The following LOXL3 variants were observed in gnomAD, a reference collection of about 807,000 sequenced individuals.
LOXL3 encodes lysyl oxidase like 3.
LOXL3 carries 60 observed loss-of-function variants against 91.8 expected under a neutral mutation model. The ratio of observed to expected loss-of-function variants is 0.65; its 90% CI spans 0.53 to 0.81. The LOEUF (loss-of-function observed/expected upper bound fraction) is 0.81. LOXL3 is among the 30% of genes least tolerant of loss of function. The pLI is 0.00. For synonymous variants in LOXL3, 355 were observed against 387.6 expected (o/e 0.92, Z 0.99); for missense variants, 874 against 1,000.4 (o/e 0.87, Z 1.70).
intron 4 of LOXL3, chr2:74,539,870 T>A (rs1190720231): frequency 6.6e-6 from 1 of 152,640 alleles, no homozygotes; most frequent in Non-Finnish European, 1.5e-5. Flanking sequence ...AAGACAACAG[T>A]AGTCAGGGTT....
At position 74,534,357 on chromosome 2, in the gene LOXL3, T is replaced by G; in HGVS notation, c.1898A>C (p.His633Pro). ...GTCTTCGAGACAGAAACTAGCTTTG[T>G]GGCCCTCAGCCACCTTGGTGCCATT... ...TPNGTKVAEG[H>P]KASFCLEDTE... is the part of the protein sequence containing the mutation. The change falls in exon 11 of 14, where the codon CAC becomes CCC. Residue 633 changes from histidine to proline, a missense_variant. His to Pro is a moderately conservative substitution (Grantham distance 77). Coordinates refer to ENST00000264094, the MANE Select transcript of LOXL3 (RefSeq NM_032603.5). The G allele has an allele frequency of 6.2e-7, 1 of 1,614,268 alleles. No homozygotes were observed. The highest frequency in any genetic ancestry group is 8.5e-7 in the Non-Finnish European group (1 of 1,180,042).
At chr2:74,554,417 G>GTCAT, upstream of LOXL3, 1 of 361,434 alleles carries the variant, frequency 2.8e-6, no homozygotes, top group Non-Finnish European at 5.1e-6. This position sits in a 1 kb window ranked among gnomAD's most constrained non-coding sequence, Gnocchi z 4.9. Context: ...TCGGGGTGAT[G>GTCAT]TCATGGCTTT....
At chr2:74,554,835 C>G (rs757036727), upstream of LOXL3, 15 of 1,613,568 alleles carry the variant, frequency 9.3e-6, no homozygotes, top group South Asian at 1.5e-4. The surrounding 1 kb of genome is among the most constrained non-coding windows in gnomAD (Gnocchi z 4.9). Flanking sequence ...GCATGGATGC[C>G]GAACCTTATC....
Position 74,533,124 on chromosome 2 carries a change from TC to T in LOXL3, c.*481del. 1 of 701,522 alleles carries T rather than the reference TC, an allele frequency of 1.4e-6. No homozygotes were observed. Among genetic ancestry groups the T allele is most frequent in the Non-Finnish European group, 2.5e-6 (1 of 405,984 alleles). 43.5% of individuals were successfully genotyped at this position (701,522 alleles called of 1,614,324 possible). On this transcript the variant is annotated 3_prime_UTR_variant, in exon 14 of 14. Coordinates refer to ENST00000264094, the MANE Select transcript of LOXL3 (RefSeq NM_032603.5). Reference sequence around the variant, plus strand: ...CAACCACCAGCACTGACTCCTGGGCTCTGAAGAATCACAGAAACACTTTTTA... The same window carrying T: ...CAACCACCAGCACTGACTCCTGGGCTTGAAGAATCACAGAAACACTTTTTA...
chr2:74,544,258 T>C (rs1205633215), intron 4 of LOXL3, among the ~76,000 whole-genome samples: 2 of 151,444 alleles, frequency 1.3e-5, no homozygotes, highest in Admixed American at 1.3e-4. Flanking sequence ...GCAGAGATTG[T>C]GCCACTGCAC....
In LOXL3 at chr2:74,550,223, G is replaced by C. The variant is rs772615508; in HGVS notation, c.439C>G (p.Gln147Glu). ...DEDAGVICKD[Q>E]RLPGFSDSNV... ...GAGTCCGAGAAGCCAGGGAGGCGCTGGTCTTTGCAGATGACCCCAGCATCC... is the reference window on the plus strand; with the variant it reads ...GAGTCCGAGAAGCCAGGGAGGCGCTCGTCTTTGCAGATGACCCCAGCATCC... The change falls in exon 3 of 14, where the codon CAG becomes GAG. Residue 147 changes from glutamine to glutamate, a missense_variant. Transcript: ENST00000264094. 6.2e-7 allele frequency: 1 copy of C among 1,614,112 alleles called. No homozygotes were observed. Among genetic ancestry groups the C allele is most frequent in the Admixed American group, 1.7e-5 (1 of 60,010 alleles).
chr2:74,550,263 G>A lies in LOXL3; in HGVS notation c.399C>T (p.Asp133=). ...ECASRGWGNS[D]CTHDEDAGVI... ...CCCCAGCATCCTCATCGTGCGTACA[G>A]TCACTGTTCCCCCAGCCCCGGGAGG... The change falls in exon 3 of 14, where the codon GAC becomes GAT. Residue 133 remains aspartate, a synonymous_variant. Coordinates refer to ENST00000264094, the MANE Select transcript of LOXL3 (RefSeq NM_032603.5). The A allele has an allele frequency of 9.3e-6, 15 of 1,614,176 alleles. No individual in the cohort carries two copies. The highest frequency in any genetic ancestry group is 1.2e-5 in the Non-Finnish European group (14 of 1,180,034).
At position 74,534,470 on chromosome 2, in the gene LOXL3, C is replaced by T. The variant is rs749406839; in HGVS notation, c.1824-39G>A. The T allele has an allele frequency of 8.7e-6, 14 of 1,613,598 alleles. No individual in the cohort carries two copies. The East Asian group carries it at 3.1e-4, about 36-fold the overall frequency. ...GGAACTTCTGTTTCCTTCTCTGCCCCCAGAAGGTTTGCCCCATCCCCCGTG... is the reference window on the plus strand; with the variant it reads ...GGAACTTCTGTTTCCTTCTCTGCCCTCAGAAGGTTTGCCCCATCCCCCGTG... On this transcript the variant is annotated intron_variant, in intron 10 of 13. Coordinates refer to ENST00000264094, the MANE Select transcript of LOXL3 (RefSeq NM_032603.5).
rs72470545 is a variant in LOXL3, at chr2:74,532,698, G to A, written c.*908C>T. The A allele has an allele frequency of 3.8e-3, 6,178 of 1,613,838 alleles. 29 individuals are homozygous for A. Among genetic ancestry groups the A allele is most frequent in the South Asian group, 0.014 (1,311 of 91,062 alleles). On this transcript the variant is annotated 3_prime_UTR_variant, in exon 14 of 14. Coordinates refer to ENST00000264094, the MANE Select transcript of LOXL3 (RefSeq NM_032603.5). ...TGTACTCATCCATAAAGTCATCCTG[G>A]GCTCCCCTGCACACCGGTGAGGGAG...
chr2:74,540,827 T>C (rs565586952), intron 4 of LOXL3, among the ~76,000 whole-genome samples: 1 of 151,908 alleles, frequency 6.6e-6, no homozygotes, highest in African/African-American at 2.4e-5. Context: ...CCATCATGAC[T>C]GGCTAATATT....
chr2:74,533,540 G>C lies in LOXL3; in HGVS notation c.*66C>G. 1 of 1,442,094 alleles carries C rather than the reference G, an allele frequency of 6.9e-7. No individual in the cohort carries two copies. The highest frequency in any genetic ancestry group is 1.2e-5 in the South Asian group (1 of 85,922). The allele number at this position is 1,442,094 out of a possible 1,614,324, so 89.3% of individuals were successfully genotyped here. A position where few individuals can be genotyped will look rare whatever the true frequency, so the allele number is the denominator to read the frequency against. On this transcript the variant is annotated 3_prime_UTR_variant, in exon 14 of 14. Transcript: ENST00000264094. Reference sequence around the variant, plus strand: ...GACATGGGTTTCTTGGTAAGCTCCTGAGGTAATGGCAGCCTCAGACCCCTG... The same window carrying C: ...GACATGGGTTTCTTGGTAAGCTCCTCAGGTAATGGCAGCCTCAGACCCCTG...
chr2:74,537,142 C>A lies in LOXL3; in HGVS notation c.693-214G>T, dbSNP rs539771400. Among the ~76,000 whole-genome samples the A allele has an allele frequency of 4.6e-5, 7 of 152,278 alleles. 1 individual carries two copies. In the South Asian group the frequency reaches 1.5e-3, roughly 32 times the overall value. ...GCCTCAACTACCCAGATAGGAGGGG[C>A]CTTGGGGACCTCCTGCAGTAGAACA... On this transcript the variant is annotated intron_variant, in intron 4 of 13. Transcript: ENST00000264094.
At position 74,534,407 on chromosome 2, in the gene LOXL3, G is replaced by A. The variant is rs778505746; in HGVS notation, c.1848C>T (p.Phe616=). 2 of 1,614,212 alleles carry A rather than the reference G, an allele frequency of 1.2e-6. No homozygotes were observed. The highest frequency in any genetic ancestry group is 1.7e-6 in the Non-Finnish European group (2 of 1,180,016). The change falls in exon 11 of 14, where the codon TTC becomes TTT. Residue 616 remains phenylalanine (F), a synonymous_variant. Transcript: ENST00000264094. ...TTGGGGTGAGGATATCATAGTGAGT[G>A]AAGATGTCCATGCTGTGGTAATGCC... ...CHGHYHSMDI[F]THYDILTPNG...
chr2:74,552,459 T>G lies in LOXL3; in HGVS notation c.176A>C (p.Glu59Ala). The G allele has an allele frequency of 1.9e-6, 3 of 1,613,772 alleles. No individual in the cohort carries two copies. The highest frequency in any genetic ancestry group is 2.5e-6 in the Non-Finnish European group (3 of 1,179,924). The change falls in exon 2 of 14, where the codon GAG (glutamate) becomes GCG (alanine). Residue 59 changes from glutamate to alanine, a missense_variant. Physicochemically the swap from Glu to Ala is moderately radical, Grantham distance 107. Coordinates refer to ENST00000264094, the MANE Select transcript of LOXL3 (RefSeq NM_032603.5). ...GCCCCATTCACCAGCTCGCTGTATC[T>G]CCACGCGGCCCTCGTAGGGCTTCCT... ...FPRKPYEGRV[E>A]IQRAGEWGTI...
At chr2:74,555,155 G>C (rs1165520890), upstream of LOXL3, 2 of 1,610,992 alleles carry the variant, frequency 1.2e-6, no homozygotes, top group African/African-American at 2.7e-5. The surrounding 1 kb of genome is among the most constrained non-coding windows in gnomAD (Gnocchi z 6.1). Context: ...TCTCCCTAGA[G>C]GTGGAGGAAG....
At chr2:74,548,470 T>C (rs1421998282) in intron 4 of LOXL3, among the ~76,000 whole-genome samples, 1 of 152,090 alleles carries the variant, frequency 6.6e-6, no homozygotes, top group Non-Finnish European at 1.5e-5. Context: ...ATTTCTACAG[T>C]AGCTGGCGGC....
chr2:74,549,404 G>C lies in LOXL3; in HGVS notation c.657C>G (p.Phe219Leu). 6.2e-7 allele frequency: 1 copy of C among 1,611,448 alleles called. No homozygotes were observed. The highest frequency in any genetic ancestry group is 1.1e-5 in the South Asian group (1 of 90,684). ...NSHVVCGMLG[F>L]PSEKRVNAAF... ...CCGCGTTGACCCTCTTTTCGCTGGGGAAGCCCAGCATCCCGCAGACCACGT... is the reference window on the plus strand; with the variant it reads ...CCGCGTTGACCCTCTTTTCGCTGGGCAAGCCCAGCATCCCGCAGACCACGT... The change falls in exon 4 of 14, where the codon TTC becomes TTG. Residue 219 changes from phenylalanine (F) to leucine (L), a missense_variant. Coordinates refer to ENST00000264094, the MANE Select transcript of LOXL3 (RefSeq NM_032603.5). The surrounding 1 kb of genome is among the most constrained non-coding windows in gnomAD (Gnocchi z 5.3).
At chr2:74,554,923 G>A (rs1398680788), upstream of LOXL3, 26 of 1,540,094 alleles carry the variant, frequency 1.7e-5, no homozygotes, top group Non-Finnish European at 2.2e-5. This position sits in a 1 kb window ranked among gnomAD's most constrained non-coding sequence, Gnocchi z 4.9. Flanking sequence ...GGGAGTTGGA[G>A]AGCCTGTGAC....
At chr2:74,539,409 G>T (rs1049682392) in intron 4 of LOXL3, among the ~76,000 whole-genome samples, 1 of 152,142 alleles carries the variant, frequency 6.6e-6, no homozygotes, top group African/African-American at 2.4e-5. Flanking sequence ...CAATCCAGGT[G>T]GGGGAGTTGG....
Sources: allele counts gnomAD v4.1 joint callset (sites outside exome capture counted in the v4.1 genomes callset), GRCh38; gene constraint gnomAD v4.1.1; non-coding constraint Gnocchi (gnomAD v3.1); transcripts MANE v1.5; gene names NCBI Gene and HGNC (gene_info 2026-07-23, HGNC 2026-07-21).